Variants in GRIA1 observed in about 807,000 individuals in gnomAD.
GRIA1 encodes the protein glutamate ionotropic receptor AMPA type subunit 1.
A neutral mutation model predicts 99.2 loss-of-function variants in GRIA1; 31 were observed. That is an observed-to-expected ratio of 0.31 (90% CI 0.23 to 0.42). The LOEUF is 0.42. Ranked by LOEUF, GRIA1 falls within the 10% of genes least tolerant of loss-of-function variation. The pLI is 1.00. For synonymous variants in GRIA1, 438 were observed against 432.4 expected, an observed-to-expected ratio of 1.01 and a Z score of -0.16; for missense variants, 782 against 1,157.5, an observed-to-expected ratio of 0.68 and a Z score of 4.71.
At chr5:153,733,558 T>C (rs1761183987) in intron 11 of GRIA1, among the ~76,000 whole-genome samples, 1 of 152,140 alleles carries the variant, frequency 6.6e-6, no homozygotes, top group African/African-American at 2.4e-5. Context: ...AATAAAAAGA[T>C]ATAGAGTGGC....
intron 2 of GRIA1, among the ~76,000 whole-genome samples, chr5:153,609,251 G>A (rs1561686338): frequency 6.6e-6 from 1 of 152,144 alleles, no homozygotes; most frequent in African/African-American, 2.4e-5. Flanking sequence ...TTAGATCCCA[G>A]CCCTGCTATT....
intron 2 of GRIA1, among the ~76,000 whole-genome samples, chr5:153,508,335 G>A (rs1001829692): frequency 6.6e-5 from 10 of 152,014 alleles, no homozygotes; most frequent in African/African-American, 2.4e-4. Context: ...CATGACTGAG[G>A]AACCAAATCT....
intron 11 of GRIA1, among the ~76,000 whole-genome samples, chr5:153,726,452 G>A (rs1417794518): frequency 4.7e-5 from 7 of 148,886 alleles, no homozygotes; most frequent in African/African-American, 1.2e-4. Context: ...GAATCCAGGA[G>A]CTGGTTTTTT....
chr5:153,764,555 A>T lies in GRIA1; in HGVS notation c.1945A>T (p.Ser649Cys). 6.2e-7 allele frequency: 1 copy of T among 1,613,996 alleles called. No homozygotes were observed. The highest frequency in any genetic ancestry group is 2.2e-5 in the East Asian group (1 of 44,858). Reference protein sequence around the residue: ...TVERMVSPIESAEDLAKQTEI... With the variant: ...TVERMVSPIECAEDLAKQTEI... ...GGAGAGGATGGTGTCTCCCATTGAGAGTGCAGAGGACCTAGCGAAGCAGAC... is the reference window on the plus strand; with the variant it reads ...GGAGAGGATGGTGTCTCCCATTGAGTGTGCAGAGGACCTAGCGAAGCAGAC... Residue 649 changes from serine (S) to cysteine (C), a missense_variant, in exon 12 of 16, where the codon AGT becomes TGT. Physicochemically the swap from Ser to Cys is moderately radical, Grantham distance 112 (BLOSUM62 -1). Around this residue, in one of 5 missense-constraint regions of GRIA1, gnomAD observed 119 missense variants for 326.6 expected, o/e 0.36. Transcript: ENST00000285900.
chr5:153,626,890 G>A (rs146550933), intron 2 of GRIA1, among the ~76,000 whole-genome samples: 12 of 152,278 alleles, frequency 7.9e-5, no homozygotes, highest in Non-Finnish European at 1.5e-4. Context: ...AGGAGACCAG[G>A]ATTTGAGCCC....
At chr5:153,607,049 A>G (rs1193218770) in intron 2 of GRIA1, among the ~76,000 whole-genome samples, 1 of 145,480 alleles carries the variant, frequency 6.9e-6, no homozygotes, top group East Asian at 1.9e-4. Context: ...AAAGATATAT[A>G]TATATATATA....
At chr5:153,508,301 A>G (rs1273168500) in intron 2 of GRIA1, among the ~76,000 whole-genome samples, 1 of 152,218 alleles carries the variant, frequency 6.6e-6, no homozygotes, top group Admixed American at 6.5e-5. Context: ...ATCTGCCCCT[A>G]TTACACATTA....
rs1763390414 is a variant in GRIA1, at chr5:153,764,602, G to A, written c.1992G>A (p.Leu664=). ...AGACAGAAATTGCCTACGGGACGCTGGAAGCAGGATCTACTAAGGAGTTCT... is the reference window on the plus strand; with the variant it reads ...AGACAGAAATTGCCTACGGGACGCTAGAAGCAGGATCTACTAAGGAGTTCT... ...AKQTEIAYGT[L]EAGSTKEFFR... Residue 664 remains leucine (L), a synonymous_variant, in exon 12 of 16, where the codon CTG becomes CTA. Coordinates refer to ENST00000285900, the MANE Select transcript of GRIA1 (RefSeq NM_000827.4). 2 of 1,613,960 alleles carry A rather than the reference G, an allele frequency of 1.2e-6. No homozygotes were observed. Among genetic ancestry groups the A allele is most frequent in the Middle Eastern group, 1.7e-4 (1 of 6,060 alleles).
intron 14 of GRIA1, among the ~76,000 whole-genome samples, chr5:153,800,207 G>A (rs10072570): frequency 0.23 from 35,362 of 151,958 alleles, 4,419 homozygotes; most frequent in Middle Eastern, 0.35. Flanking sequence ...GAGCTCCACT[G>A]TCAACCACTC....
intron 15 of GRIA1, among the ~76,000 whole-genome samples, chr5:153,809,243 A>G (rs1219503393): frequency 6.6e-6 from 1 of 152,218 alleles, no homozygotes; most frequent in Non-Finnish European, 1.5e-5. Flanking sequence ...TTTTCATTTT[A>G]CATTTCCCTG....
intron 11 of GRIA1, among the ~76,000 whole-genome samples, chr5:153,757,067 A>T (rs1490738723): frequency 6.6e-6 from 1 of 152,212 alleles, no homozygotes; most frequent in Non-Finnish European, 1.5e-5. Context: ...ATTTTAAGAA[A>T]ACACAGAGAA....
At chr5:153,521,008 T>A (rs564458877) in intron 2 of GRIA1, among the ~76,000 whole-genome samples, 33 of 152,182 alleles carry the variant, frequency 2.2e-4, no homozygotes, top group Non-Finnish European at 4.3e-4. Flanking sequence ...TGAATTCAGA[T>A]CTGTCTGATC....
At chr5:153,644,190 T>C (rs1753970548) in intron 2 of GRIA1, among the ~76,000 whole-genome samples, 1 of 152,256 alleles carries the variant, frequency 6.6e-6, no homozygotes, top group Admixed American at 6.5e-5. Flanking sequence ...GGGAGAATAA[T>C]ATGTGATGTA....
chr5:153,609,461 C>T (rs1351026980), intron 2 of GRIA1, among the ~76,000 whole-genome samples: 3 of 151,518 alleles, frequency 2.0e-5, no homozygotes, highest in Admixed American at 6.6e-5. Context: ...TTTCTCCCTT[C>T]ATATGAGGAA....
In GRIA1 at chr5:153,767,778, G is replaced by C. The variant is rs145111025; in HGVS notation, c.2023-2390G>C. 6.0e-3 allele frequency among the ~76,000 whole-genome samples: 913 copies of C among 152,324 alleles called. 10 individuals carry two copies. Among genetic ancestry groups the C allele is most frequent in the African/African-American group, 0.021 (872 of 41,558 alleles). ...CGACAGTTTAATTAAGATGTATGAA[G>C]AGTCATGGGAGCTGCGGATGATAGG... On this transcript the variant is annotated intron_variant, in intron 12 of 15. Transcript: ENST00000285900.
At chr5:153,798,850 TA>T (rs1765807121) in intron 14 of GRIA1, among the ~76,000 whole-genome samples, 1 of 151,846 alleles carries the variant, frequency 6.6e-6, no homozygotes, top group African/African-American at 2.4e-5. Flanking sequence ...AGGAGAAATA[TA>T]GGGGGGGAAA....
At chr5:153,507,442 A>G (rs1755644053) in intron 2 of GRIA1, among the ~76,000 whole-genome samples, 1 of 152,028 alleles carries the variant, frequency 6.6e-6, no homozygotes. Flanking sequence ...CAGCCTATAC[A>G]TTCTGAGTTC....
chr5:153,703,457 G>T (rs961469088), intron 10 of GRIA1, among the ~76,000 whole-genome samples: 28 of 152,110 alleles, frequency 1.8e-4, no homozygotes, highest in Admixed American at 6.6e-4. Flanking sequence ...AGGACAATAC[G>T]GAACAGGCTG....
intron 13 of GRIA1, among the ~76,000 whole-genome samples, chr5:153,772,605 T>C (rs1478013236): frequency 1.3e-5 from 2 of 152,164 alleles, no homozygotes; most frequent in African/African-American, 2.4e-5. Flanking sequence ...CATAATTGAA[T>C]ATGAACTAAT....
Sources: gnomAD v4.1 joint callset for allele counts (sites outside exome capture counted in the v4.1 genomes callset) on GRCh38, gnomAD v4.1.1 for gene constraint, gnomAD v4.1.1 regional missense constraint, MANE v1.5 for transcripts, NCBI Gene and HGNC (gene_info 2026-07-23, HGNC 2026-07-21) for gene names.